Variants in PRRC2C observed in about 807,000 individuals in gnomAD.
PRRC2C encodes the protein proline rich coiled-coil 2C.
PRRC2C carries 72 observed loss-of-function variants against 317.2 expected under a neutral mutation model. That is an observed-to-expected ratio of 0.23 (90% confidence interval 0.19 to 0.28). The LOEUF (loss-of-function observed/expected upper bound fraction) is 0.28. PRRC2C is among the 10% of genes least tolerant of loss of function. PRRC2C has a pLI of 1.00. For missense variants in PRRC2C, 3,074 were observed against 3,459.7 expected (o/e 0.89, Z 2.80); for synonymous variants, 1,296 against 1,205.9 (o/e 1.07, Z -1.55).
At chr1:171,502,301 A>G (rs1017769889) in intron 1 of PRRC2C, among the ~76,000 whole-genome samples, 1 of 152,204 alleles carries the variant, frequency 6.6e-6, no homozygotes, top group Non-Finnish European at 1.5e-5. Context: ...TTCAAAAAAT[A>G]CTATTGCCAG....
intron 1 of PRRC2C, chr1:171,509,840 GTTTCT>G (rs1467527954): frequency 5.1e-5 from 5 of 98,442 alleles, no homozygotes; most frequent in Admixed American, 2.1e-4. Flanking sequence ...CAGAAACATT[GTTTCT>G]TTTTTTTTTT....
intron 16 of PRRC2C, among the ~76,000 whole-genome samples, chr1:171,542,646 A>G (rs1196101207): frequency 1.3e-5 from 2 of 152,224 alleles, no homozygotes; most frequent in African/African-American, 4.8e-5. Context: ...CACTCTAGAG[A>G]GAGGCCCAGA....
At chr1:171,547,646 G>GTT (rs1234305193) in intron 17 of PRRC2C, among the ~76,000 whole-genome samples, 67 of 115,046 alleles carry the variant, frequency 5.8e-4, no homozygotes, top group South Asian at 3.2e-3. Context: ...TTTTTTTTTT[G>GTT]TTTTTTTTTT....
At chr1:171,517,552 A>G in intron 5 of PRRC2C, 39 bp from the exon 6 acceptor site, 1 of 1,574,288 alleles carries the variant, frequency 6.4e-7, no homozygotes. Flanking sequence ...CCATTTTCAG[A>G]TTTTTATCTT....
In PRRC2C at chr1:171,541,708, A is replaced by C; in HGVS notation, c.4242A>C (p.Lys1414Asn). The change falls in exon 16 of 35, where the codon AAA becomes AAC. Residue 1414 changes from lysine (K) to asparagine (N), a missense_variant. By Grantham distance (94) the Lys-to-Asn change is moderately conservative (BLOSUM62 0). This residue lies in a region of PRRC2C where 1,320 missense variants were observed against 1,395.7 expected (regional missense o/e 0.95). Coordinates refer to ENST00000647382, the MANE Select transcript of PRRC2C (RefSeq NM_001387844.1). This position sits in a 1 kb window ranked among gnomAD's most constrained non-coding sequence, Gnocchi z 4.1. ...ADKRPPKFER[K>N]FDPARERPRR... is the part of the protein sequence containing the mutation. ...AACGACCTCCAAAATTTGAGCGAAA[A>C]TTTGACCCAGCTAGAGAAAGGCCTC... 6.2e-7 allele frequency: 1 copy of C among 1,613,932 alleles called. No individual in the cohort carries two copies. The highest frequency in any genetic ancestry group is 8.5e-7 in the Non-Finnish European group (1 of 1,179,862).
At chr1:171,578,624 TTGGGA>T (rs1647760629) in intron 26 of PRRC2C, among the ~76,000 whole-genome samples, 1 of 152,148 alleles carries the variant, frequency 6.6e-6, no homozygotes, top group Non-Finnish European at 1.5e-5. Flanking sequence ...TCCCAGCACT[TTGGGA>T]GGCTGAGGCG....
rs779251074 is a variant in PRRC2C, at chr1:171,579,917, T to C, written c.7362T>C (p.Ala2454=). 1 of 1,597,426 alleles carries C rather than the reference T, an allele frequency of 6.3e-7. No homozygotes were observed. The highest frequency in any genetic ancestry group is 8.5e-7 in the Non-Finnish European group (1 of 1,173,906). The change falls in exon 28 of 35, where the codon GCT becomes GCC. Residue 2454 remains alanine (A), a synonymous_variant. Transcript: ENST00000647382. ...AACTGAGTTTGGGGGCTGGCCCTGCTGTTTCCCAGGCTCAGGAATTGTTCA... is the reference window on the plus strand; with the variant it reads ...AACTGAGTTTGGGGGCTGGCCCTGCCGTTTCCCAGGCTCAGGAATTGTTCA... ...QAQLSLGAGP[A]VSQAQELFSS...
At chr1:171,577,841 G>T (rs773450744) in intron 26 of PRRC2C, among the ~76,000 whole-genome samples, 1 of 142,132 alleles carries the variant, frequency 7.0e-6, no homozygotes, top group Admixed American at 7.3e-5. Context: ...GCAGTGACGC[G>T]GTCTTGGCTT....
In PRRC2C at chr1:171,541,439, G is replaced by A; in HGVS notation, c.3973G>A (p.Val1325Ile). ...TAATAGACTGCTAGAAAAGCCTTAT[G>A]TAAGGGATGACGATAAAGCTAAACC... ...IDNRLLEKPY[V>I]RDDDKAKPGF... Residue 1325 changes from valine (V) to isoleucine (I), a missense_variant, in exon 16 of 35, where the codon GTA becomes ATA. Val to Ile is a conservative substitution (Grantham distance 29). Coordinates refer to ENST00000647382, the MANE Select transcript of PRRC2C (RefSeq NM_001387844.1). This position sits in a 1 kb window ranked among gnomAD's most constrained non-coding sequence, Gnocchi z 4.1. 1.2e-6 allele frequency: 2 copies of A among 1,613,906 alleles called. No homozygotes were observed. The highest frequency in any genetic ancestry group is 1.6e-4 in the Middle Eastern group (1 of 6,062).
At chr1:171,487,574 C>G (rs1666358095) in intron 1 of PRRC2C, among the ~76,000 whole-genome samples, 1 of 152,128 alleles carries the variant, frequency 6.6e-6, no homozygotes, top group South Asian at 2.1e-4. Context: ...TTAAAACTAA[C>G]TCTACCATGT....
chr1:171,585,909 G>A (rs985581304), intron 30 of PRRC2C, among the ~76,000 whole-genome samples: 5 of 152,004 alleles, frequency 3.3e-5, no homozygotes, highest in African/African-American at 9.7e-5. Flanking sequence ...GTCTTGGGGC[G>A]AGGGGCCTGT....
intron 1 of PRRC2C, 68 bp from the exon 2 acceptor site, chr1:171,511,964 A>G (rs1671471284): frequency 3.7e-6 from 2 of 540,734 alleles, no homozygotes; most frequent in Non-Finnish European, 6.6e-6. Context: ...GTTTTTTCAG[A>G]ATTTCTGTGA....
intron 1 of PRRC2C, chr1:171,511,660 C>T (rs1671418074): frequency 6.5e-6 from 1 of 153,576 alleles, no homozygotes. Flanking sequence ...AGATGTTGTC[C>T]TGTCATTTGG....
At chr1:171,554,473 G>C (rs1557989594) in intron 18 of PRRC2C, among the ~76,000 whole-genome samples, 2 of 152,142 alleles carry the variant, frequency 1.3e-5, no homozygotes, top group African/African-American at 2.4e-5. Context: ...TTACATTTAA[G>C]GTTAATATTG....
chr1:171,541,431 A>G lies in PRRC2C; in HGVS notation c.3965A>G (p.Lys1322Arg), dbSNP rs1474254705. 6.2e-7 allele frequency: 1 copy of G among 1,613,810 alleles called. No individual in the cohort carries two copies. The highest frequency in any genetic ancestry group is 2.2e-5 in the East Asian group (1 of 44,884). ...CGAATAGATAATAGACTGCTAGAAA[A>G]GCCTTATGTAAGGGATGACGATAAA... is the stretch of plus-strand genomic sequence containing the variant. ...HVRIDNRLLE[K>R]PYVRDDDKAK... Residue 1322 changes from lysine to arginine, a missense_variant, in exon 16 of 35, where the codon AAG becomes AGG. This residue lies in a region of PRRC2C where 1,320 missense variants were observed against 1,395.7 expected (regional missense o/e 0.95). Coordinates refer to ENST00000647382, the MANE Select transcript of PRRC2C (RefSeq NM_001387844.1). This position sits in a 1 kb window ranked among gnomAD's most constrained non-coding sequence, Gnocchi z 4.1.
chr1:171,587,522 AT>A (rs1650318778), intron 31 of PRRC2C, 125 bp from the exon 32 acceptor site: 1 of 670,886 alleles, frequency 1.5e-6, no homozygotes, highest in South Asian at 2.0e-5. Flanking sequence ...AAGCCTAACT[AT>A]AGGAGTTTTG....
At position 171,540,755 on chromosome 1, in the gene PRRC2C, T is replaced by G. The variant is rs777661124; in HGVS notation, c.3289T>G (p.Leu1097Val). The change falls in exon 16 of 35, where the codon TTG becomes GTG. Residue 1097 changes from leucine to valine, a missense_variant. Physicochemically the swap from Leu to Val is conservative, Grantham distance 32 (BLOSUM62 1). Coordinates refer to ENST00000647382, the MANE Select transcript of PRRC2C (RefSeq NM_001387844.1). The part of the protein sequence containing the change: ...EKFPSTETAT[L>V]AQKPSQDTEK... ...ATTTCCTTCAACAGAAACTGCAACT[T>G]TGGCTCAAAAACCATCTCAGGATAC... is the stretch of plus-strand genomic sequence containing the variant. 1 of 1,613,964 alleles carries G rather than the reference T, an allele frequency of 6.2e-7. No individual in the cohort carries two copies. The highest frequency in any genetic ancestry group is 1.1e-5 in the South Asian group (1 of 91,076).
chr1:171,506,057 A>G (rs767808505), intron 1 of PRRC2C, among the ~76,000 whole-genome samples: 1 of 152,146 alleles, frequency 6.6e-6, no homozygotes, highest in African/African-American at 2.4e-5. Context: ...AGTACACACT[A>G]TGATGACACA....
At chr1:171,549,484 T>G (rs1679775574) in intron 17 of PRRC2C, among the ~76,000 whole-genome samples, 1 of 152,216 alleles carries the variant, frequency 6.6e-6, no homozygotes, top group African/African-American at 2.4e-5. Flanking sequence ...ATAGGATAAT[T>G]TTGATTTTTT....
Sources: gnomAD v4.1 joint callset for allele counts (sites outside exome capture counted in the v4.1 genomes callset) on GRCh38, gnomAD v4.1.1 for gene constraint, gnomAD v4.1.1 regional missense constraint, Gnocchi (gnomAD v3.1) non-coding constraint, MANE v1.5 for transcripts, NCBI Gene and HGNC (gene_info 2026-07-23, HGNC 2026-07-21) for gene names.